The following PPM1H variants were observed in gnomAD, a reference collection of about 807,000 sequenced individuals.
PPM1H encodes the protein protein phosphatase 1H.
In PPM1H, 27 loss-of-function variants were observed where a neutral mutation model predicts 54.9. The observed-to-expected ratio is 0.49, with a 90% confidence interval of 0.36 to 0.68. The LOEUF is 0.68. Ranked by LOEUF, PPM1H falls within the 30% of genes least tolerant of loss-of-function variation. The pLI is 0.00. For synonymous variants in PPM1H, 305 were observed against 270.8 expected (o/e 1.13, Z -1.24); for missense variants, 596 against 667.8 (o/e 0.89, Z 1.19).
intron 4 of PPM1H, among the ~76,000 whole-genome samples, chr12:62,745,607 G>T (rs985450270): frequency 1.3e-5 from 2 of 152,148 alleles, no homozygotes; most frequent in African/African-American, 4.8e-5. Context: ...ATTATTTGGA[G>T]CTCAGTCACA....
intron 4 of PPM1H, among the ~76,000 whole-genome samples, chr12:62,761,252 T>G (rs1397251720): frequency 2.6e-5 from 4 of 152,242 alleles, no homozygotes; most frequent in African/African-American, 9.6e-5. Flanking sequence ...ATCCATTATT[T>G]GGAAGCATTA....
chr12:62,894,318 G>A (rs969125397), intron 1 of PPM1H, among the ~76,000 whole-genome samples: 2 of 152,206 alleles, frequency 1.3e-5, no homozygotes, highest in Admixed American at 6.5e-5. Context: ...GACAGCAAAG[G>A]AAGAGTTGGG....
At chr12:62,755,608 C>T in intron 4 of PPM1H, 1 of 655,970 alleles carries the variant, frequency 1.5e-6, no homozygotes, top group Non-Finnish European at 2.8e-6. Flanking sequence ...TGCTGACACC[C>T]CCATGTCTGT....
At chr12:62,887,115 G>C (rs1287963162) in intron 1 of PPM1H, among the ~76,000 whole-genome samples, 1 of 152,208 alleles carries the variant, frequency 6.6e-6, no homozygotes, top group African/African-American at 2.4e-5. Flanking sequence ...TGGAGAAAGA[G>C]GGAGGTGCCA....
intron 2 of PPM1H, among the ~76,000 whole-genome samples, chr12:62,807,992 C>A (rs759270505): frequency 5.9e-5 from 9 of 152,170 alleles, no homozygotes; most frequent in Admixed American, 1.3e-4. Context: ...CATGTGCCAC[C>A]ACATCCAGCT....
At chr12:62,697,333 G>T (rs2076120409) in intron 6 of PPM1H, among the ~76,000 whole-genome samples, 1 of 152,066 alleles carries the variant, frequency 6.6e-6, no homozygotes, top group Non-Finnish European at 1.5e-5. Context: ...GACCAGGCTG[G>T]TCCTGAACTC....
chr12:62,906,446 C>T (rs12306598), intron 1 of PPM1H, among the ~76,000 whole-genome samples: 1,735 of 152,198 alleles, frequency 0.011, 38 homozygotes, highest in African/African-American at 0.039. Context: ...AGAGTTAAGT[C>T]GGTAATCCAT....
At chr12:62,909,018 C>G (rs1871381553) in intron 1 of PPM1H, among the ~76,000 whole-genome samples, 1 of 152,130 alleles carries the variant, frequency 6.6e-6, no homozygotes, top group African/African-American at 2.4e-5. Flanking sequence ...TCCCCCACCC[C>G]ACCCTATCCC....
intron 4 of PPM1H, among the ~76,000 whole-genome samples, chr12:62,760,109 T>G (rs1356071685): frequency 2.0e-5 from 3 of 152,240 alleles, no homozygotes; most frequent in Admixed American, 2.0e-4. Context: ...TCTGCAATAC[T>G]GTTTGGCCCC....
At chr12:62,768,766 T>C (rs1487283873) in intron 4 of PPM1H, among the ~76,000 whole-genome samples, 3 of 151,904 alleles carry the variant, frequency 2.0e-5, no homozygotes, top group Non-Finnish European at 4.4e-5. Flanking sequence ...AATACAGATA[T>C]GTAGGGGCAG....
intron 1 of PPM1H, among the ~76,000 whole-genome samples, chr12:62,840,630 G>T (rs12314963): frequency 4.6e-5 from 7 of 152,030 alleles, no homozygotes; most frequent in Non-Finnish European, 8.8e-5. Context: ...GTAAGAAAAG[G>T]CTCTCCCAGC....
At chr12:62,722,643 G>C (rs1231623115) in intron 5 of PPM1H, among the ~76,000 whole-genome samples, 1 of 152,082 alleles carries the variant, frequency 6.6e-6, no homozygotes, top group Admixed American at 6.5e-5. Context: ...CACACACACA[G>C]AGCCACACAC....
intron 4 of PPM1H, among the ~76,000 whole-genome samples, chr12:62,746,831 C>G (rs1438191482): frequency 6.6e-6 from 1 of 152,218 alleles, no homozygotes; most frequent in Admixed American, 6.5e-5. Context: ...TCACACCCCC[C>G]CACTTCTAAA....
In PPM1H at chr12:62,844,588, T is replaced by C. The variant is rs905393195; in HGVS notation, c.246-12309A>G. Among the ~76,000 whole-genome samples the C allele has an allele frequency of 6.6e-6, 1 of 152,246 alleles. No homozygotes were observed. Among genetic ancestry groups the C allele is most frequent in the Admixed American group, 6.5e-5 (1 of 15,290 alleles). The stretch of plus-strand genomic sequence containing the variant: ...TGAATGTAAGCGATTTTAAATTAGA[T>C]GCTTAATACCATCCTTAAATAAAAA... On this transcript the variant is annotated intron_variant, in intron 1 of 9. Transcript: ENST00000228705. The surrounding 1 kb of genome is among the most constrained non-coding windows in gnomAD (Gnocchi z 5.2).
At chr12:62,902,969 G>A (rs1280149203) in intron 1 of PPM1H, among the ~76,000 whole-genome samples, 3 of 152,152 alleles carry the variant, frequency 2.0e-5, no homozygotes, top group Non-Finnish European at 4.4e-5. Context: ...AATACCACTA[G>A]ACTAAGTATT....
intron 1 of PPM1H, among the ~76,000 whole-genome samples, chr12:62,834,600 C>A (rs1868445961): frequency 6.6e-6 from 1 of 152,180 alleles, no homozygotes; most frequent in African/African-American, 2.4e-5. Context: ...CCTTTCCCAG[C>A]ATCTCTGGCT....
At chr12:62,832,390 C>T in intron 1 of PPM1H, 111 bp from the exon 2 acceptor site, 2 of 961,366 alleles carry the variant, frequency 2.1e-6, no homozygotes, top group Non-Finnish European at 1.5e-6. Context: ...AACTACAGCC[C>T]TGCTTAATGC....
Position 62,803,834 on chromosome 12 carries a change from A to G in PPM1H, c.412-1674T>C, listed in dbSNP as rs957728453. The stretch of plus-strand genomic sequence containing the variant: ...AAGGGGTTAATTTTCAAAATACACA[A>G]GAAACTCCTACAATTCTATTGCAAA... On this transcript the variant is annotated intron_variant, in intron 2 of 9. Transcript: ENST00000228705. 3.9e-5 allele frequency among the ~76,000 whole-genome samples: 6 copies of G among 152,362 alleles called. No individual in the cohort carries two copies. The East Asian group carries it at 9.6e-4, about 25-fold the overall frequency.
At chr12:62,655,059 T>A (rs2075836695) in intron 9 of PPM1H, among the ~76,000 whole-genome samples, 1 of 152,176 alleles carries the variant, frequency 6.6e-6, no homozygotes, top group Non-Finnish European at 1.5e-5. Flanking sequence ...ACAGTACGAA[T>A]GCTCTAGGAC....
Sources: gnomAD v4.1 joint callset for allele counts (sites outside exome capture counted in the v4.1 genomes callset) on GRCh38, gnomAD v4.1.1 for gene constraint, Gnocchi (gnomAD v3.1) non-coding constraint, MANE v1.5 for transcripts, NCBI Gene and HGNC (gene_info 2026-07-23, HGNC 2026-07-21) for gene names.